CAST: variants seen among roughly 807,000 people sequenced by gnomAD.
The protein encoded by CAST is MIR583 host.
In CAST, 76 loss-of-function variants were observed where a neutral mutation model predicts 119.6. That is an observed-to-expected ratio of 0.64 (90% CI 0.53 to 0.77). The LOEUF (loss-of-function observed/expected upper bound fraction) is 0.77. CAST is among the 30% of genes least tolerant of loss of function. The pLI, the probability that CAST is intolerant of heterozygous loss-of-function variation, is 0.00. For missense variants in CAST, 953 were observed against 946.5 expected (o/e 1.01, Z -0.09); for synonymous variants, 319 against 331.6 (o/e 0.96, Z 0.41).
the CAST span, among the ~76,000 whole-genome samples, chr5:96,338,396 C>T: frequency 1.3e-5 from 2 of 152,152 alleles, no homozygotes; most frequent in South Asian, 4.1e-4. Flanking sequence ...TTCCTTCCTT[C>T]TTCCTTTGTA....
At chr5:96,495,556 T>C in the CAST span, among the ~76,000 whole-genome samples, 1 of 152,210 alleles carries the variant, frequency 6.6e-6, no homozygotes, top group African/African-American at 2.4e-5. Flanking sequence ...CTGAGAATGA[T>C]GGTTTCCAGC....
At chr5:96,109,847 G>A in the CAST span, among the ~76,000 whole-genome samples, 12 of 151,486 alleles carry the variant, frequency 7.9e-5, no homozygotes, top group Non-Finnish European at 1.3e-4. Flanking sequence ...ATAAACTAAC[G>A]TCTTAATATC....
intron 1 of CAST, among the ~76,000 whole-genome samples, chr5:96,622,612 G>A (rs1393743777): frequency 6.6e-6 from 1 of 152,030 alleles, no homozygotes; most frequent in African/African-American, 2.4e-5. Context: ...GCACTTCTCG[G>A]GGACTAATAA....
chr5:96,040,862 G>A, the CAST span, among the ~76,000 whole-genome samples: 23 of 152,240 alleles, frequency 1.5e-4, no homozygotes, highest in African/African-American at 5.5e-4. Flanking sequence ...CTAGGCTTTG[G>A]TATCAGGATG....
At chr5:96,191,088 T>C in the CAST span, among the ~76,000 whole-genome samples, 2 of 152,224 alleles carry the variant, frequency 1.3e-5, no homozygotes, top group African/African-American at 4.8e-5. Context: ...TGCACAGTAG[T>C]CCATGGAGCT....
chr5:95,971,834 G>A, the CAST span, among the ~76,000 whole-genome samples: 8 of 152,060 alleles, frequency 5.3e-5, no homozygotes, highest in East Asian at 1.9e-4. Context: ...GGTCCTTCAC[G>A]GTTTAGCTGC....
At chr5:96,730,416 G>C (rs902962276) in intron 8 of CAST, among the ~76,000 whole-genome samples, 1 of 152,000 alleles carries the variant, frequency 6.6e-6, no homozygotes, top group African/African-American at 2.4e-5. Flanking sequence ...TCAAAGTCAG[G>C]GCATTTCACA....
chr5:96,460,876 G>A, the CAST span, among the ~76,000 whole-genome samples: 1 of 152,022 alleles, frequency 6.6e-6, no homozygotes. Flanking sequence ...GCTTTATTGA[G>A]GTATAAGTCA....
chr5:96,186,469 A>G, the CAST span, among the ~76,000 whole-genome samples: 1 of 152,128 alleles, frequency 6.6e-6, no homozygotes, highest in East Asian at 1.9e-4. Context: ...ATTCAGTATG[A>G]TATTGGCTGT....
At chr5:96,172,862 C>T in the CAST span, among the ~76,000 whole-genome samples, 2 of 152,238 alleles carry the variant, frequency 1.3e-5, no homozygotes, top group Non-Finnish European at 2.9e-5. Flanking sequence ...AAAAGCCTCA[C>T]TCCCACCATT....
At chr5:96,656,674 T>G (rs561752482) in intron 1 of CAST, among the ~76,000 whole-genome samples, 1 of 152,146 alleles carries the variant, frequency 6.6e-6, no homozygotes, top group Non-Finnish European at 1.5e-5. Flanking sequence ...TTTGGGTCAG[T>G]TCAAGTCAGG....
chr5:96,667,124 C>G (rs894973168), intron 1 of CAST, among the ~76,000 whole-genome samples: 2 of 152,174 alleles, frequency 1.3e-5, no homozygotes, highest in African/African-American at 4.8e-5. Flanking sequence ...CCAATAAACA[C>G]TGTTCATGTA....
chr5:96,093,800 G>GA, the CAST span, among the ~76,000 whole-genome samples: 1 of 152,168 alleles, frequency 6.6e-6, no homozygotes, highest in Admixed American at 6.6e-5. Flanking sequence ...ATTTCAAAGG[G>GA]AAAATCACTA....
chr5:96,064,936 T>C, the CAST span, among the ~76,000 whole-genome samples: 1 of 152,180 alleles, frequency 6.6e-6, no homozygotes, highest in South Asian at 2.1e-4. Context: ...AGGCCAGATG[T>C]CCCCTTGCTT....
the CAST span, among the ~76,000 whole-genome samples, chr5:96,144,126 A>T: frequency 6.6e-6 from 1 of 152,256 alleles, no homozygotes; most frequent in Admixed American, 6.5e-5. Context: ...CATAACAATT[A>T]TGACTGTCAC....
At chr5:96,199,339 A>G in the CAST span, among the ~76,000 whole-genome samples, 1 of 152,154 alleles carries the variant, frequency 6.6e-6, no homozygotes, top group South Asian at 2.1e-4. Flanking sequence ...GGAAACATTT[A>G]CTTCTCAAAA....
At chr5:95,994,124 G>C in the CAST span, among the ~76,000 whole-genome samples, 1 of 152,088 alleles carries the variant, frequency 6.6e-6, no homozygotes, top group African/African-American at 2.4e-5. Flanking sequence ...TCCATAGTAA[G>C]CATATGCTAA....
chr5:96,289,724 G>C, the CAST span, among the ~76,000 whole-genome samples: 1 of 152,036 alleles, frequency 6.6e-6, no homozygotes, highest in Non-Finnish European at 1.5e-5. Context: ...AATATCCTCG[G>C]GTAAGTTATT....
At chr5:96,501,820 T>C in the CAST span, among the ~76,000 whole-genome samples, 1 of 152,322 alleles carries the variant, frequency 6.6e-6, no homozygotes, top group South Asian at 2.1e-4. Context: ...AGGATTATGA[T>C]GGAGCTGAAA....
Sources: allele counts gnomAD v4.1 joint callset (sites outside exome capture counted in the v4.1 genomes callset), GRCh38; gene constraint gnomAD v4.1.1; transcripts MANE v1.5; gene names NCBI Gene and HGNC (gene_info 2026-07-23, HGNC 2026-07-21).